ZBTB46: variants seen among roughly 807,000 people sequenced by gnomAD.
ZBTB46 encodes the protein zinc finger and BTB domain containing 46.
Under a neutral mutation model 44.1 loss-of-function variants are expected in ZBTB46, and 8 were observed. The ratio of observed to expected loss-of-function variants is 0.18; its 90% confidence interval spans 0.11 to 0.33. The LOEUF is 0.33. Among genes scored for constraint, ZBTB46 ranks in the 10% least tolerant of loss-of-function variants. The pLI is 1.00. For missense variants in ZBTB46, 651 were observed against 847.7 expected, an observed-to-expected ratio of 0.77 and a Z score of 2.88; for synonymous variants, 409 against 382.3, an observed-to-expected ratio of 1.07 and a Z score of -0.81.
chr20:63,758,794 C>T (rs545976387), intron 3 of ZBTB46, among the ~76,000 whole-genome samples: 8 of 149,564 alleles, frequency 5.3e-5, no homozygotes, highest in African/African-American at 1.7e-4. Context: ...TGCAGTGGTG[C>T]GATCTCAGCT....
Position 63,803,592 on chromosome 20 carries a change from A to C in ZBTB46, c.-33-12802T>G. On this transcript the variant is annotated intron_variant, in intron 1 of 4. Coordinates refer to ENST00000245663, the MANE Select transcript of ZBTB46 (RefSeq NM_001369741.1). The surrounding 1 kb of genome is among the most constrained non-coding windows in gnomAD (Gnocchi z 4.0). ...CCCGGGCTGCCCAGGTCTCTGTCGG[A>C]GGCCCTGCCAGCCCCGCCCCTCCCT... 1.1e-6 allele frequency: 1 copy of C among 917,782 alleles called. No individual in the cohort carries two copies. Among genetic ancestry groups the C allele is most frequent in the Non-Finnish European group, 1.3e-6 (1 of 768,460 alleles). 56.9% of individuals were successfully genotyped at this position (917,782 alleles called of 1,614,324 possible).
At chr20:63,792,684 A>G (rs1242318032) in intron 1 of ZBTB46, among the ~76,000 whole-genome samples, 2 of 151,932 alleles carry the variant, frequency 1.3e-5, no homozygotes, top group African/African-American at 4.8e-5. Context: ...CCTGGCTGAC[A>G]TTTTTGTATT....
In ZBTB46 at chr20:63,746,773, C is replaced by T. The variant is rs1440059496; in HGVS notation, c.*157G>A. 5.7e-6 allele frequency: 7 copies of T among 1,232,556 alleles called. No individual in the cohort carries two copies. Among genetic ancestry groups the T allele is most frequent in the Non-Finnish European group, 7.5e-6 (7 of 931,108 alleles). 76.4% of individuals were successfully genotyped at this position (1,232,556 alleles called of 1,614,324 possible). On this transcript the variant is annotated 3_prime_UTR_variant, in exon 5 of 5. Transcript: ENST00000245663. ...TCTTGCTGGGGTCGCACCTGCTTAG[C>T]CCGCAGGGCTGGTTTCCGTGGGGGG...
At chr20:63,784,016 G>A (rs1360194773) in intron 2 of ZBTB46, among the ~76,000 whole-genome samples, 5 of 152,200 alleles carry the variant, frequency 3.3e-5, no homozygotes, top group Non-Finnish European at 5.9e-5. Context: ...CTGCAGGGAC[G>A]TAACCTCAGA....
intron 2 of ZBTB46, among the ~76,000 whole-genome samples, chr20:63,779,611 G>A (rs1029129969): frequency 8.6e-5 from 13 of 151,850 alleles, no homozygotes; most frequent in East Asian, 1.9e-4. Context: ...TAGTAGAGAC[G>A]GGGTTTCACC....
intron 4 of ZBTB46, among the ~76,000 whole-genome samples, chr20:63,749,407 G>A (rs1329123430): frequency 1.3e-5 from 2 of 152,160 alleles, no homozygotes; most frequent in Admixed American, 1.3e-4. Context: ...TGCCATCTCG[G>A]CTCACTGCCA....
In ZBTB46 at chr20:63,803,461, A is replaced by C; in HGVS notation, c.-33-12671T>G. On this transcript the variant is annotated intron_variant, in intron 1 of 4. Coordinates refer to ENST00000245663, the MANE Select transcript of ZBTB46 (RefSeq NM_001369741.1). The surrounding 1 kb of genome is among the most constrained non-coding windows in gnomAD (Gnocchi z 4.0). ...GGTACTATCCACATCATCTCCAGTG[A>C]GCAAGTGGGTGCTGGCGATGAGGAC... The C allele has an allele frequency of 1.0e-6, 1 of 985,342 alleles. No individual in the cohort carries two copies. Among genetic ancestry groups the C allele is most frequent in the Non-Finnish European group, 1.2e-6 (1 of 829,920 alleles). The allele number at this position is 985,342 out of a possible 1,614,324, so 61.0% of individuals were successfully genotyped here. A position where few individuals can be genotyped will look rare whatever the true frequency, so the allele number is the denominator to read the frequency against.
At chr20:63,789,177 G>A (rs1175565461) in intron 2 of ZBTB46, among the ~76,000 whole-genome samples, 2 of 151,994 alleles carry the variant, frequency 1.3e-5, no homozygotes, top group Non-Finnish European at 2.9e-5. Context: ...TCGCCTGTTG[G>A]CTTCAACAGC....
intron 1 of ZBTB46, among the ~76,000 whole-genome samples, chr20:63,814,251 AAAG>A (rs1412450423): frequency 6.6e-6 from 1 of 151,676 alleles, no homozygotes; most frequent in African/African-American, 2.4e-5. Context: ...AAAAAAAAGA[AAAG>A]AAAAAAAGAA....
intron 1 of ZBTB46, among the ~76,000 whole-genome samples, chr20:63,823,839 C>A (rs4809366): frequency 0.19 from 27,030 of 140,202 alleles, 2,938 homozygotes; most frequent in East Asian, 0.47. Context: ...CCTGTCCTGA[C>A]CTTTGTCCTC....
intron 1 of ZBTB46, among the ~76,000 whole-genome samples, chr20:63,799,499 C>G (rs554038893): frequency 2.0e-5 from 3 of 151,970 alleles, no homozygotes; most frequent in Non-Finnish European, 4.4e-5. Flanking sequence ...AGGTGTGTGC[C>G]ACCACACCCA....
At chr20:63,786,149 A>C (rs6010650) in intron 2 of ZBTB46, among the ~76,000 whole-genome samples, 138,119 of 152,136 alleles carry the variant, frequency 0.91, 62,869 homozygotes, top group East Asian at 0.99. Flanking sequence ...CATCAGAATA[A>C]ACCCCCCAAA....
chr20:63,778,715 ACT>A (rs933731547), intron 2 of ZBTB46, among the ~76,000 whole-genome samples: 3 of 151,888 alleles, frequency 2.0e-5, no homozygotes, highest in Non-Finnish European at 4.4e-5. Context: ...TCCAAACTCT[ACT>A]CTTTTTCCAA....
chr20:63,816,081 G>GGTGCA (rs768112073), intron 1 of ZBTB46, among the ~76,000 whole-genome samples: 22 of 117,554 alleles, frequency 1.9e-4, no homozygotes, highest in East Asian at 6.1e-4. Flanking sequence ...AGTGGGCACA[G>GGTGCA]GTGGGCACAG....
At position 63,786,724 on chromosome 20, in the gene ZBTB46, A is replaced by C. The variant is rs1294098805; in HGVS notation, c.937+3097T>G. On this transcript the variant is annotated intron_variant, in intron 2 of 4. Coordinates refer to ENST00000245663, the MANE Select transcript of ZBTB46 (RefSeq NM_001369741.1). ...ACGGGGTTTCACCATGTTGGCCACG[A>C]TGGTCTCGATCTCCTGACCTTGTGA... Among the ~76,000 whole-genome samples the C allele has an allele frequency of 4.6e-5, 7 of 152,192 alleles. No individual in the cohort carries two copies. The East Asian group carries it at 1.2e-3, about 25-fold the overall frequency.
At chr20:63,788,798 C>G (rs2092536271) in intron 2 of ZBTB46, among the ~76,000 whole-genome samples, 1 of 149,990 alleles carries the variant, frequency 6.7e-6, no homozygotes, top group Non-Finnish European at 1.5e-5. Flanking sequence ...GAGATCACGT[C>G]ACTGCACTCC....
chr20:63,798,148 T>C (rs1169363566), intron 1 of ZBTB46, among the ~76,000 whole-genome samples: 3 of 152,236 alleles, frequency 2.0e-5, no homozygotes, highest in African/African-American at 7.2e-5. Flanking sequence ...TTTAAGTCTT[T>C]AATCCATCTT....
intron 1 of ZBTB46, among the ~76,000 whole-genome samples, chr20:63,819,599 A>C (rs1197149233): frequency 2.6e-5 from 4 of 152,208 alleles, no homozygotes; most frequent in Non-Finnish European, 5.9e-5. Context: ...AAGCAAAAAC[A>C]GCAACAGTGT....
chr20:63,780,038 C>T (rs935086490), intron 2 of ZBTB46, among the ~76,000 whole-genome samples: 5 of 151,166 alleles, frequency 3.3e-5, no homozygotes, highest in Admixed American at 1.3e-4. Flanking sequence ...TTTGGGAGGC[C>T]GAGATGGGTG....
Sources: allele counts gnomAD v4.1 joint callset (sites outside exome capture counted in the v4.1 genomes callset), GRCh38; gene constraint gnomAD v4.1.1; non-coding constraint Gnocchi (gnomAD v3.1); transcripts MANE v1.5; gene names NCBI Gene and HGNC (gene_info 2026-07-23, HGNC 2026-07-21).